LRRC4C: variants seen among roughly 807,000 people sequenced by gnomAD.
The protein encoded by LRRC4C is leucine-rich repeat-containing protein 4C.
Under a neutral mutation model 33.6 loss-of-function variants are expected in LRRC4C, and 5 were observed. The observed-to-expected ratio is 0.15, with a 90% CI of 0.08 to 0.31. LRRC4C has a LOEUF of 0.31. Among genes scored for constraint, LRRC4C ranks in the 10% least tolerant of loss-of-function variants. The probability of loss-of-function intolerance (pLI) is 1.00; values close to 1 mark genes in which losing one functional copy is unlikely to be tolerated. For synonymous variants in LRRC4C, 329 were observed against 302.0 expected, an observed-to-expected ratio of 1.09 and a Z score of -0.93; for missense variants, 560 against 796.7, an observed-to-expected ratio of 0.70 and a Z score of 3.58.
chr11:40,355,482 T>G (rs1590417767), intron 3 of LRRC4C, among the ~76,000 whole-genome samples: 1 of 152,218 alleles, frequency 6.6e-6, no homozygotes, highest in East Asian at 1.9e-4. Context: ...TGGGGCTAAC[T>G]GGAACTCAGT....
At chr11:40,614,890 T>C (rs1961611690) in intron 3 of LRRC4C, among the ~76,000 whole-genome samples, 1 of 151,646 alleles carries the variant, frequency 6.6e-6, no homozygotes, top group Non-Finnish European at 1.5e-5. Context: ...TGAGTACTGC[T>C]TATGGAGTCC....
At chr11:40,517,584 C>T (rs896677271) in intron 3 of LRRC4C, among the ~76,000 whole-genome samples, 1 of 152,046 alleles carries the variant, frequency 6.6e-6, no homozygotes, top group Non-Finnish European at 1.5e-5. Flanking sequence ...CTGTGAGAAC[C>T]CACCCATCTC....
chr11:40,682,703 G>T (rs868396144), intron 2 of LRRC4C, among the ~76,000 whole-genome samples: 17 of 151,446 alleles, frequency 1.1e-4, no homozygotes, highest in African/African-American at 3.1e-4. Context: ...CCCTGGAGAT[G>T]GTGGTTGCAC....
chr11:41,296,400 T>A (rs1950144585), intron 1 of LRRC4C, among the ~76,000 whole-genome samples: 1 of 151,662 alleles, frequency 6.6e-6, no homozygotes, highest in Admixed American at 6.6e-5. Context: ...GTGCAGCCTC[T>A]GCCTCCCAGG....
At chr11:40,404,599 C>T (rs374060509) in intron 3 of LRRC4C, among the ~76,000 whole-genome samples, 86 of 152,092 alleles carry the variant, frequency 5.7e-4, no homozygotes, top group African/African-American at 1.9e-3. Context: ...ATGTTATGCC[C>T]ACTTTTTCTT....
At chr11:41,448,202 C>A (rs1265377532) in intron 1 of LRRC4C, among the ~76,000 whole-genome samples, 1 of 139,014 alleles carries the variant, frequency 7.2e-6, no homozygotes, top group Non-Finnish European at 1.5e-5. Flanking sequence ...AATGATTACC[C>A]CTTAATCAGC....
intron 6 of LRRC4C, among the ~76,000 whole-genome samples, chr11:40,130,627 A>C (rs1183722196): frequency 6.6e-6 from 1 of 152,132 alleles, no homozygotes; most frequent in African/African-American, 2.4e-5. Context: ...CAGTTGTGAC[A>C]ATCTACAGTG....
At chr11:40,252,757 A>G (rs760234710) in intron 4 of LRRC4C, among the ~76,000 whole-genome samples, 41 of 152,306 alleles carry the variant, frequency 2.7e-4, no homozygotes, top group Admixed American at 1.4e-3. Context: ...AATAAGATAA[A>G]TTAATGTAAA....
intron 3 of LRRC4C, among the ~76,000 whole-genome samples, chr11:40,611,565 G>A (rs1353455485): frequency 6.6e-6 from 1 of 151,730 alleles, no homozygotes; most frequent in Non-Finnish European, 1.5e-5. Flanking sequence ...ATAATCAACA[G>A]AGAAAAGGAC....
intron 2 of LRRC4C, among the ~76,000 whole-genome samples, chr11:40,819,950 C>CATACATT (rs1163845339): frequency 6.6e-6 from 1 of 151,792 alleles, no homozygotes; most frequent in African/African-American, 2.4e-5. Context: ...AGAGGGAAGA[C>CATACATT]AAATTTCAGA....
chr11:40,753,986 T>C (rs1272046087), intron 2 of LRRC4C, among the ~76,000 whole-genome samples: 1 of 152,012 alleles, frequency 6.6e-6, no homozygotes, highest in African/African-American at 2.4e-5. Context: ...ATTCACTGTA[T>C]ATATATTCAC....
chr11:40,791,434 G>A (rs1266016147), intron 2 of LRRC4C, among the ~76,000 whole-genome samples: 1 of 152,130 alleles, frequency 6.6e-6, no homozygotes, highest in East Asian at 1.9e-4. Flanking sequence ...AAGGAATAGG[G>A]AGGCTGAAAA....
rs567758443 is a variant in LRRC4C, at chr11:40,754,945, T to C, written c.-406-106667A>G. On this transcript the variant is annotated intron_variant, in intron 2 of 6. Transcript: ENST00000528697. ...TGAATGTAATTAAAAACGATGGTCC[T>C]TTCTTTAGGAAAATCTACATGCTCA... 2.0e-5 allele frequency among the ~76,000 whole-genome samples: 3 copies of C among 152,224 alleles called. No individual in the cohort carries two copies. In the South Asian group the frequency reaches 6.2e-4, roughly 32 times the overall value.
intron 2 of LRRC4C, among the ~76,000 whole-genome samples, chr11:40,804,741 G>A: frequency 6.6e-6 from 1 of 152,018 alleles, no homozygotes; most frequent in East Asian, 1.9e-4. Context: ...AGAACACTGG[G>A]GATATTCCAG....
intron 3 of LRRC4C, among the ~76,000 whole-genome samples, chr11:40,372,388 A>T (rs1948487366): frequency 1.3e-5 from 2 of 152,300 alleles, no homozygotes; most frequent in South Asian, 2.1e-4. Flanking sequence ...GCAGAGAAGT[A>T]CACAAACCTT....
At chr11:40,702,619 A>C (rs141744222) in intron 2 of LRRC4C, among the ~76,000 whole-genome samples, 1 of 152,180 alleles carries the variant, frequency 6.6e-6, no homozygotes, top group South Asian at 2.1e-4. Context: ...CATGAGCACA[A>C]TTTTGTCTTG....
chr11:41,012,169 G>A (rs1442689167), intron 1 of LRRC4C, among the ~76,000 whole-genome samples: 1 of 151,972 alleles, frequency 6.6e-6, no homozygotes, highest in Non-Finnish European at 1.5e-5. Flanking sequence ...CTGTCAAATA[G>A]TAGCTCTTAT....
At chr11:40,703,667 A>C (rs1449862623) in intron 2 of LRRC4C, among the ~76,000 whole-genome samples, 3 of 152,154 alleles carry the variant, frequency 2.0e-5, no homozygotes, top group African/African-American at 7.2e-5. Context: ...TTTAAGGCAA[A>C]CTCCAATTTA....
chr11:40,778,518 T>G (rs1465086137), intron 2 of LRRC4C, among the ~76,000 whole-genome samples: 1 of 152,142 alleles, frequency 6.6e-6, no homozygotes, highest in African/African-American at 2.4e-5. Context: ...TTAACCTCTA[T>G]ACTTTAATGA....
Sources: allele counts gnomAD v4.1 joint callset (sites outside exome capture counted in the v4.1 genomes callset), GRCh38; gene constraint gnomAD v4.1.1; transcripts MANE v1.5; gene names NCBI Gene and HGNC (gene_info 2026-07-23, HGNC 2026-07-21).